FTCDNL1: variants seen among roughly 807,000 people sequenced by gnomAD.
FTCDNL1 encodes the protein formiminotransferase cyclodeaminase N-terminal like.
A neutral mutation model predicts 5.9 loss-of-function variants in FTCDNL1; 11 were observed. The observed-to-expected ratio is 1.87, with a 90% CI of 1.18 to 3.10. The LOEUF is 3.10. FTCDNL1 is among the 30% of genes most tolerant of loss of function. The pLI, the probability that FTCDNL1 is intolerant of heterozygous loss-of-function variation, is 0.00. For missense variants in FTCDNL1, 115 were observed against 65.5 expected (o/e 1.76, Z -2.61); for synonymous variants, 58 against 24.8 (o/e 2.34, Z -3.99).
At chr2:199,768,240 T>C (rs1167627796) in intron 3 of FTCDNL1, among the ~76,000 whole-genome samples, 4 of 152,180 alleles carry the variant, frequency 2.6e-5, no homozygotes, top group South Asian at 2.1e-4. Context: ...GTGTAAAAGA[T>C]TGCATTGGGT....
chr2:199,668,295 T>G, the FTCDNL1 span, among the ~76,000 whole-genome samples: 3 of 152,168 alleles, frequency 2.0e-5, no homozygotes, highest in African/African-American at 4.8e-5. Flanking sequence ...AAAAATAGTT[T>G]TTCATAAATA....
the FTCDNL1 span, among the ~76,000 whole-genome samples, chr2:199,664,093 A>C: frequency 6.6e-6 from 1 of 152,160 alleles, no homozygotes; most frequent in African/African-American, 2.4e-5. Flanking sequence ...CATTAAAAAA[A>C]AAGTGTAAAA....
At chr2:199,722,559 T>C in the FTCDNL1 span, among the ~76,000 whole-genome samples, 2 of 152,372 alleles carry the variant, frequency 1.3e-5, no homozygotes, top group East Asian at 3.9e-4. Context: ...GGTAGCATGA[T>C]GCCTCCAGCT....
chr2:199,721,112 T>C, the FTCDNL1 span, among the ~76,000 whole-genome samples: 1 of 152,144 alleles, frequency 6.6e-6, no homozygotes, highest in Non-Finnish European at 1.5e-5. Context: ...TTTTGTCTTA[T>C]GTTTTAAATT....
At chr2:199,701,623 C>A in the FTCDNL1 span, among the ~76,000 whole-genome samples, 1 of 152,184 alleles carries the variant, frequency 6.6e-6, no homozygotes, top group African/African-American at 2.4e-5. Flanking sequence ...GAATACTATG[C>A]AGCCATAAAA....
chr2:199,832,507 C>A (rs749738762), intron 3 of FTCDNL1, among the ~76,000 whole-genome samples: 1 of 152,120 alleles, frequency 6.6e-6, no homozygotes, highest in African/African-American at 2.4e-5. Flanking sequence ...TATCATTTTG[C>A]AAATGAAGAA....
At chr2:199,736,861 G>A in the FTCDNL1 span, among the ~76,000 whole-genome samples, 4 of 152,210 alleles carry the variant, frequency 2.6e-5, no homozygotes, top group Non-Finnish European at 5.9e-5. Context: ...ATTTGACTGG[G>A]TTGAAGGGTT....
At chr2:199,803,191 CAAAAAAAAAAAA>C (rs71403491) in intron 3 of FTCDNL1, among the ~76,000 whole-genome samples, 3 of 70,652 alleles carry the variant, frequency 4.2e-5, no homozygotes, top group African/African-American at 6.0e-5. Context: ...AATACCGTCT[CAAAAAAAAAAAA>C]AAAAAAAAAG....
the FTCDNL1 span, among the ~76,000 whole-genome samples, chr2:199,664,616 G>A: frequency 6.6e-6 from 1 of 152,058 alleles, no homozygotes; most frequent in Non-Finnish European, 1.5e-5. Flanking sequence ...CAGAATACTG[G>A]AACTTAAAGA....
intron 3 of FTCDNL1, among the ~76,000 whole-genome samples, chr2:199,771,342 C>T (rs772768927): frequency 2.0e-5 from 3 of 152,106 alleles, no homozygotes; most frequent in Non-Finnish European, 2.9e-5. Context: ...CATTTAGTGC[C>T]ATACTTTTTA....
the FTCDNL1 span, among the ~76,000 whole-genome samples, chr2:199,672,921 A>AGGAAGGG: frequency 2.0e-5 from 3 of 152,098 alleles, no homozygotes. Context: ...CCATGTTCAA[A>AGGAAGGG]GGAAGGGTAA....
chr2:199,714,444 C>A, the FTCDNL1 span, among the ~76,000 whole-genome samples: 4 of 152,034 alleles, frequency 2.6e-5, no homozygotes, highest in Non-Finnish European at 2.9e-5. Flanking sequence ...GTAAATGTTA[C>A]AAATTACAAC....
chr2:199,841,533 A>G (rs1304342196), intron 3 of FTCDNL1, among the ~76,000 whole-genome samples: 1 of 152,186 alleles, frequency 6.6e-6, no homozygotes, highest in Non-Finnish European at 1.5e-5. Context: ...TTATATCAAA[A>G]TTTGGACCAA....
At chr2:199,671,248 G>A in the FTCDNL1 span, among the ~76,000 whole-genome samples, 1 of 151,976 alleles carries the variant, frequency 6.6e-6, no homozygotes, top group Non-Finnish European at 1.5e-5. Context: ...CACACAACAT[G>A]GAAAAGGGTC....
the FTCDNL1 span, among the ~76,000 whole-genome samples, chr2:199,691,911 T>A: frequency 6.6e-6 from 1 of 152,216 alleles, no homozygotes; most frequent in Non-Finnish European, 1.5e-5. Context: ...CTAATAGGAT[T>A]CATTTAAATG....
At chr2:199,791,240 G>T (rs974989455) in intron 3 of FTCDNL1, among the ~76,000 whole-genome samples, 2 of 151,908 alleles carry the variant, frequency 1.3e-5, no homozygotes, top group Non-Finnish European at 2.9e-5. Context: ...AAATTTAAAA[G>T]ATATCATTTG....
chr2:199,690,610 ACAAGTATCTCCATGTTTG>A, the FTCDNL1 span, among the ~76,000 whole-genome samples: 1 of 152,106 alleles, frequency 6.6e-6, no homozygotes, highest in Non-Finnish European at 1.5e-5. Context: ...TGGGCTACCT[ACAAGTATCTCCATGTTTG>A]CATGCACCCC....
intron 3 of FTCDNL1, among the ~76,000 whole-genome samples, chr2:199,800,092 G>C (rs1360529414): frequency 2.0e-5 from 3 of 151,958 alleles, no homozygotes; most frequent in African/African-American, 4.8e-5. Context: ...TGTGATGTGA[G>C]CTAGGAAAGA....
the FTCDNL1 span, among the ~76,000 whole-genome samples, chr2:199,749,943 C>G: frequency 6.6e-6 from 1 of 151,520 alleles, no homozygotes; most frequent in Non-Finnish European, 1.5e-5. Flanking sequence ...GATGGACACC[C>G]CATTTACCCT....
Sources: gnomAD v4.1 joint callset for allele counts (sites outside exome capture counted in the v4.1 genomes callset) on GRCh38, gnomAD v4.1.1 for gene constraint, MANE v1.5 for transcripts, NCBI Gene and HGNC (gene_info 2026-07-23, HGNC 2026-07-21) for gene names.